SH3TC1: variants seen among roughly 807,000 people sequenced by gnomAD.
SH3TC1 encodes SH3 domain and tetratricopeptide repeats 1, also known as SH3 domain and tetratricopeptide repeat-containing protein 1.
A neutral mutation model predicts 117.3 loss-of-function variants in SH3TC1; 135 were observed. The ratio of observed to expected loss-of-function variants is 1.15; its 90% CI spans 1.00 to 1.33. SH3TC1 has a LOEUF of 1.33. SH3TC1 is among the 40% of genes most tolerant of loss of function. The probability of loss-of-function intolerance (pLI) is 0.00; values close to 1 mark genes in which losing one functional copy is unlikely to be tolerated. For missense variants in SH3TC1, 2,092 were observed against 1,794.3 expected, an observed-to-expected ratio of 1.17 and a Z score of -3.00; for synonymous variants, 898 against 816.9, an observed-to-expected ratio of 1.10 and a Z score of -1.69.
chr4:8,230,984 G>A (rs1240180971), intron 12 of SH3TC1, among the ~76,000 whole-genome samples: 1 of 151,804 alleles, frequency 6.6e-6, no homozygotes, highest in African/African-American at 2.4e-5. Flanking sequence ...GTTTCACCAT[G>A]TTTCCCAGGC....
chr4:8,188,043 C>A (rs1717284842), intron 1 of SH3TC1, among the ~76,000 whole-genome samples: 1 of 152,218 alleles, frequency 6.6e-6, no homozygotes, highest in South Asian at 2.1e-4. Flanking sequence ...TTCGTTACTT[C>A]CTGATGCGAC....
At chr4:8,233,554 ACT>A (rs1721454104) in intron 14 of SH3TC1, 41 bp downstream of exon 14, 1 of 1,545,140 alleles carries the variant, frequency 6.5e-7, no homozygotes, top group African/African-American at 1.4e-5. Context: ...GCACATGTTC[ACT>A]CTCCATCCAT....
intron 12 of SH3TC1, chr4:8,231,547 T>C (rs1281094): frequency 0.99 from 168,952 of 171,178 alleles, 83,419 homozygotes; most frequent in East Asian, 1. Context: ...CGTGTGGGAA[T>C]GCCAGGGGCC....
Position 8,210,599 on chromosome 4 carries a change from C to T in SH3TC1, c.247+777C>T, listed in dbSNP as rs564388295. 1.3e-5 allele frequency among the ~76,000 whole-genome samples: 2 copies of T among 152,148 alleles called. No individual in the cohort carries two copies. Among genetic ancestry groups the T allele is most frequent in the Admixed American group, 6.5e-5 (1 of 15,288 alleles). ...TCAGCCTGGCCCATATGGTGAAACC[C>T]CATCTCTACTAAAAATACAAAAATT... is the stretch of plus-strand genomic sequence containing the variant. On this transcript the variant is annotated intron_variant, in intron 3 of 17. Transcript: ENST00000245105. This position sits in a 1 kb window ranked among gnomAD's most constrained non-coding sequence, Gnocchi z 4.1.
intron 15 of SH3TC1, chr4:8,236,022 C>A (rs1245733131): frequency 3.9e-6 from 2 of 515,882 alleles, no homozygotes; most frequent in Non-Finnish European, 6.8e-6. Flanking sequence ...AGTGCAGGCT[C>A]CCCCCAGTCA....
chr4:8,224,959 C>G (rs1008589086), intron 10 of SH3TC1: 1 of 581,370 alleles, frequency 1.7e-6, no homozygotes, highest in Admixed American at 2.9e-5. Context: ...AGCAGTGCTC[C>G]TATGCTGGTT....
Position 8,237,553 on chromosome 4 carries a change from G to A in SH3TC1, c.3636G>A (p.Glu1212=), listed in dbSNP as rs370698767. 3.5e-5 allele frequency: 56 copies of A among 1,611,472 alleles called. No homozygotes were observed. The African/African-American group carries it at 5.6e-4, about 16-fold the overall frequency. The change falls in exon 17 of 18, where the codon GAG becomes GAA. Residue 1212 remains glutamate, a synonymous_variant. Transcript: ENST00000245105. ...GACTGGGCCATGGCGAGCTGGCAGA[G>A]CACTTCTACCTCAAGGCCCTGTCGC... ...QHRLGHGELA[E]HFYLKALSLC...
rs76245031 is a variant in SH3TC1, at chr4:8,193,009, C to T, written c.-57+10799C>T. Among the ~76,000 whole-genome samples the T allele has an allele frequency of 9.2e-5, 14 of 152,334 alleles. No homozygotes were observed. The South Asian group carries it at 1.2e-3, about 14-fold the overall frequency. On this transcript the variant is annotated intron_variant, in intron 1 of 16. Coordinates refer to the SH3TC1 transcript ENST00000508641. ...CCACAAACCACATGACCACATCTGG[C>T]CCCCTGTCTTGTATAATAGATAGTT...
At chr4:8,238,745 G>A (rs1448444340) in intron 17 of SH3TC1, among the ~76,000 whole-genome samples, 1 of 152,210 alleles carries the variant, frequency 6.6e-6, no homozygotes, top group Non-Finnish European at 1.5e-5. Context: ...CTGGGACCCA[G>A]GGGACGGGCC....
chr4:8,210,746 GAAAAAAA>G lies in SH3TC1; in HGVS notation c.247+946_247+952del, dbSNP rs56288444. Among the ~76,000 whole-genome samples the G allele has an allele frequency of 2.5e-5, 1 of 39,796 alleles. No homozygotes were observed. The highest frequency in any genetic ancestry group is 4.4e-5 in the Non-Finnish European group (1 of 22,884). 26.1% of individuals were successfully genotyped at this position (39,796 alleles called of 152,430 possible). A position where few individuals can be genotyped will look rare whatever the true frequency, so the allele number is the denominator to read the frequency against. The stretch of plus-strand genomic sequence containing the variant: ...TTGCACTCCAGCCTGGGCAACTTCT[GAAAAAAA>G]AAAAAAAAAAAAAAAAAAAAAGGCC... On this transcript the variant is annotated intron_variant, in intron 3 of 17. Transcript: ENST00000245105. The surrounding 1 kb of genome is among the most constrained non-coding windows in gnomAD (Gnocchi z 4.1).
At position 8,188,411 on chromosome 4, in the gene SH3TC1, C is replaced by T. The variant is rs556753955; in HGVS notation, c.-57+6201C>T. On this transcript the variant is annotated intron_variant, in intron 1 of 16. Transcript: ENST00000508641. ...CTGCCCCACTGAATAATAATGACGA[C>T]GACTGCTCTCCTTTGTGGGACCCCT... 2.6e-4 allele frequency among the ~76,000 whole-genome samples: 40 copies of T among 152,350 alleles called. 1 individual carries two copies. In the South Asian group the frequency reaches 7.9e-3, roughly 30 times the overall value.
At chr4:8,234,679 A>G (rs1266073145) in intron 14 of SH3TC1, among the ~76,000 whole-genome samples, 2 of 152,184 alleles carry the variant, frequency 1.3e-5, no homozygotes, top group African/African-American at 4.8e-5. Flanking sequence ...CACCTGTTGT[A>G]TGCCTTTCCC....
In SH3TC1 at chr4:8,232,026, C is replaced by G; in HGVS notation, c.3001C>G (p.Pro1001Ala). The part of the protein sequence containing the change: ...RLCHFYSAVM[P>A]SEAQCVIYHE... ...GTGCCACTTCTACAGCGCCGTCATG[C>G]CCAGCGAGGCCCAGTGTGTCATCTA... The change falls in exon 13 of 18, where the codon CCC (proline) becomes GCC (alanine). Residue 1001 changes from proline (P) to alanine (A), a missense_variant. Transcript: ENST00000245105. The G allele has an allele frequency of 4.3e-6, 7 of 1,613,112 alleles. No homozygotes were observed. The highest frequency in any genetic ancestry group is 1.6e-4 in the Middle Eastern group (1 of 6,062).
At chr4:8,211,987 G>A (rs1228409964) in intron 3 of SH3TC1, among the ~76,000 whole-genome samples, 1 of 152,108 alleles carries the variant, frequency 6.6e-6, no homozygotes, top group Non-Finnish European at 1.5e-5. Context: ...GGTGTGGACA[G>A]CTGCCCAGGT....
intron 1 of SH3TC1, among the ~76,000 whole-genome samples, chr4:8,203,769 C>T (rs959225983): frequency 6.6e-5 from 10 of 152,008 alleles, no homozygotes; most frequent in Admixed American, 3.3e-4. Flanking sequence ...GCCTCTCTGC[C>T]CTTCCCAGGT....
rs200788841 is a variant in SH3TC1 at position 8,205,551 on chromosome 4, G to T, written c.172+185G>T. ...GTGTTTAACAGGAGCCACTGTGCCC[G>T]CTGAGTCACTTGAGAGGCCAGGGCC... On this transcript the variant is annotated intron_variant, in intron 2 of 17. Transcript: ENST00000245105. The surrounding 1 kb of genome is among the most constrained non-coding windows in gnomAD (Gnocchi z 5.4). 1 of 886,288 alleles carries T rather than the reference G, an allele frequency of 1.1e-6. No individual in the cohort carries two copies. The highest frequency in any genetic ancestry group is 1.9e-6 in the Non-Finnish European group (1 of 527,746). 54.9% of individuals were successfully genotyped at this position (886,288 alleles called of 1,614,324 possible).
Position 8,186,677 on chromosome 4 carries a change from C to G in SH3TC1, c.-57+4467C>G, listed in dbSNP as rs2152973925. Among the ~76,000 whole-genome samples the G allele has an allele frequency of 6.6e-6, 1 of 152,280 alleles. No homozygotes were observed. Among genetic ancestry groups the G allele is most frequent in the African/African-American group, 2.4e-5 (1 of 41,564 alleles). On this transcript the variant is annotated intron_variant, in intron 1 of 16. Transcript: ENST00000508641. This position sits in a 1 kb window ranked among gnomAD's most constrained non-coding sequence, Gnocchi z 5.2. ...AGCCCCTTGAGGCTGGGTGCGGTGG[C>G]TCACGCCTGTAATCCCAGCACTTTG...
At chr4:8,203,347 C>T (rs780859985) in intron 1 of SH3TC1, among the ~76,000 whole-genome samples, 46 of 152,030 alleles carry the variant, frequency 3.0e-4, no homozygotes, top group Non-Finnish European at 5.7e-4. Flanking sequence ...CCTCAGTTTC[C>T]CCATCTCTGC....
rs773802304 is a variant in SH3TC1, at chr4:8,240,832, G to C, written c.3888G>C (p.Lys1296Asn). 6.2e-7 allele frequency: 1 copy of C among 1,614,096 alleles called. No individual in the cohort carries two copies. Among genetic ancestry groups the C allele is most frequent in the Non-Finnish European group, 8.5e-7 (1 of 1,180,040 alleles). ...IYHNFLLDRE[K>N]SLFFYQKART... ...ACAACTTCCTCCTGGACCGTGAGAA[G>C]TCGCTCTTCTTCTACCAGAAGGCCA... The change falls in exon 18 of 18, where the codon AAG (lysine) becomes AAC (asparagine). Residue 1296 changes from lysine to asparagine, a missense_variant. Coordinates refer to ENST00000245105, the MANE Select transcript of SH3TC1 (RefSeq NM_018986.5).
Sources: allele counts gnomAD v4.1 joint callset (sites outside exome capture counted in the v4.1 genomes callset), GRCh38; gene constraint gnomAD v4.1.1; non-coding constraint Gnocchi (gnomAD v3.1); transcripts MANE v1.5; gene names NCBI Gene and HGNC (gene_info 2026-07-23, HGNC 2026-07-21).